Variants in MTX2 observed in about 807,000 individuals in gnomAD.
MTX2 encodes the protein metaxin 2, also known as metaxin-2.
A neutral mutation model predicts 42.3 loss-of-function variants in MTX2; 35 were observed. The observed-to-expected ratio is 0.83, with a 90% CI of 0.63 to 1.10. The LOEUF (loss-of-function observed/expected upper bound fraction) is 1.10. MTX2 is among the 50% of genes least tolerant of loss of function. MTX2 has a pLI of 0.00. For synonymous variants in MTX2, 119 were observed against 100.9 expected (o/e 1.18, Z -1.08); for missense variants, 307 against 304.1 (o/e 1.01, Z -0.07).
chr2:176,322,141 A>G (rs1684600929), intron 3 of MTX2, among the ~76,000 whole-genome samples: 1 of 152,152 alleles, frequency 6.6e-6, no homozygotes, highest in African/African-American at 2.4e-5. Flanking sequence ...TTTTGGAGGC[A>G]GGCATCTCTA....
At chr2:176,306,877 A>C (rs1212457949) in intron 3 of MTX2, among the ~76,000 whole-genome samples, 1 of 152,018 alleles carries the variant, frequency 6.6e-6, no homozygotes, top group Non-Finnish European at 1.5e-5. Context: ...CTCTGATGGT[A>C]GTTTCTTTTG....
intron 1 of MTX2, among the ~76,000 whole-genome samples, chr2:176,280,890 C>T (rs1289854650): frequency 6.6e-6 from 1 of 152,122 alleles, no homozygotes; most frequent in Admixed American, 6.5e-5. Flanking sequence ...GGATAGTGTC[C>T]TGGGCTGATC....
chr2:176,328,279 T>A lies in MTX2; in HGVS notation c.286-14T>A, dbSNP rs752722611. ...AATATGATGTTCTTTTAAATTTTTT[T>A]AAATTCCCTTTAGGGCCATTCTCTT... On this transcript the variant is annotated splice_polypyrimidine_tract_variant and intron_variant, in intron 5 of 9. Transcript: ENST00000249442. 7.1e-5 allele frequency: 107 copies of A among 1,510,752 alleles called. No individual in the cohort carries two copies. The highest frequency in any genetic ancestry group is 1.0e-4 in the African/African-American group (7 of 70,102). The allele number at this position is 1,510,752 out of a possible 1,614,324, so 93.6% of individuals were successfully genotyped here.
intron 1 of MTX2, among the ~76,000 whole-genome samples, chr2:176,288,861 C>CT (rs1693265747): frequency 6.6e-6 from 1 of 151,888 alleles, no homozygotes; most frequent in South Asian, 2.1e-4. Flanking sequence ...TGGCCCTTCT[C>CT]TTAATCCTCT....
At position 176,337,688 on chromosome 2, in the gene MTX2, C is replaced by CT. The variant is rs763725926; in HGVS notation, c.*26dup. On this transcript the variant is annotated 3_prime_UTR_variant, in exon 10 of 10. Coordinates refer to ENST00000249442, the MANE Select transcript of MTX2 (RefSeq NM_006554.5). ...AGAGTTATGTGTTAGTCTCAGGAGT[C>CT]TTAACTTTTGAAATATGTTTTACTT... is the stretch of plus-strand genomic sequence containing the variant. 2.0e-6 allele frequency: 3 copies of CT among 1,504,268 alleles called. No homozygotes were observed. The East Asian group carries it at 7.2e-5, about 36-fold the overall frequency. The allele number at this position is 1,504,268 out of a possible 1,614,324, so 93.2% of individuals were successfully genotyped here. A position where few individuals can be genotyped will look rare whatever the true frequency, so the allele number is the denominator to read the frequency against.
At chr2:176,327,542 A>C (rs1205518349) in intron 5 of MTX2, among the ~76,000 whole-genome samples, 1 of 148,686 alleles carries the variant, frequency 6.7e-6, no homozygotes, top group East Asian at 1.9e-4. Context: ...TGTATTGGAG[A>C]TATATATATA....
intron 1 of MTX2, among the ~76,000 whole-genome samples, chr2:176,282,074 A>G (rs757082922): frequency 7.8e-6 from 1 of 128,416 alleles, no homozygotes. Context: ...CATTGTTGAG[A>G]TGTTATCCTT....
At chr2:176,328,213 C>T (rs572495855) in intron 5 of MTX2, 80 bp from the exon 6 acceptor site, 27 of 806,804 alleles carry the variant, frequency 3.3e-5, no homozygotes, top group African/African-American at 7.2e-5. Context: ...TTGCATGTTA[C>T]GTTATTTGTT....
intron 8 of MTX2, 75 bp downstream of exon 8, chr2:176,329,501 T>C: frequency 1.5e-6 from 2 of 1,328,868 alleles, no homozygotes; most frequent in South Asian, 3.6e-5. Context: ...TTGATACTCC[T>C]TTAAAAAAAT....
intron 1 of MTX2, among the ~76,000 whole-genome samples, chr2:176,282,085 C>T (rs533232583): frequency 3.8e-5 from 5 of 130,492 alleles, no homozygotes; most frequent in Non-Finnish European, 7.9e-5. Context: ...TGTTATCCTT[C>T]CTTAAATTGG....
chr2:176,279,199 GA>G (rs1246830399), intron 1 of MTX2, among the ~76,000 whole-genome samples: 1 of 152,050 alleles, frequency 6.6e-6, no homozygotes, highest in South Asian at 2.1e-4. Context: ...TCTTTAGATG[GA>G]AAAAAATAGA....
intron 1 of MTX2, among the ~76,000 whole-genome samples, chr2:176,290,522 T>G (rs1014308768): frequency 6.6e-6 from 1 of 152,182 alleles, no homozygotes; most frequent in African/African-American, 2.4e-5. Context: ...TTGTCTGACC[T>G]TGGGAAAGAG....
Position 176,269,490 on chromosome 2 carries a change from C to T in MTX2, c.-140C>T, listed in dbSNP as rs1692740087. ...ACCTTGGGGGCCTCACTGCAGCCGC[C>T]GCTGCTGTTGGAGTGGGCTTTGCGA... On this transcript the variant is annotated 5_prime_UTR_variant, in exon 1 of 10. Transcript: ENST00000249442. 6.4e-6 allele frequency: 6 copies of T among 939,068 alleles called. No individual in the cohort carries two copies. The highest frequency in any genetic ancestry group is 3.4e-5 in the Admixed American group (1 of 29,326). 58.2% of individuals were successfully genotyped at this position (939,068 alleles called of 1,614,324 possible). A position where few individuals can be genotyped will look rare whatever the true frequency, so the allele number is the denominator to read the frequency against.
chr2:176,323,081 A>G (rs951317250), intron 3 of MTX2, among the ~76,000 whole-genome samples: 5 of 151,904 alleles, frequency 3.3e-5, no homozygotes, highest in African/African-American at 1.2e-4. Context: ...TTAAAGCTAT[A>G]TATATAGTAT....
intron 1 of MTX2, among the ~76,000 whole-genome samples, chr2:176,291,869 A>C (rs1300680495): frequency 6.6e-6 from 1 of 152,046 alleles, no homozygotes; most frequent in African/African-American, 2.4e-5. Context: ...CAGAAACTGG[A>C]TGAAGGCCAG....
intron 1 of MTX2, among the ~76,000 whole-genome samples, chr2:176,274,648 G>A (rs1418439493): frequency 6.6e-6 from 1 of 152,142 alleles, no homozygotes; most frequent in African/African-American, 2.4e-5. Context: ...CATGCAAGGC[G>A]GGCAGTCAGG....
At chr2:176,308,404 A>T (rs946453990) in intron 3 of MTX2, among the ~76,000 whole-genome samples, 1 of 152,240 alleles carries the variant, frequency 6.6e-6, no homozygotes, top group East Asian at 1.9e-4. Flanking sequence ...TATCAGGATG[A>T]TGTTGGCCTC....
chr2:176,306,325 G>T (rs1458489898), intron 3 of MTX2, among the ~76,000 whole-genome samples: 1 of 152,144 alleles, frequency 6.6e-6, no homozygotes, highest in Non-Finnish European at 1.5e-5. Context: ...TGGACATTTG[G>T]GTTGGTTCCA....
intron 1 of MTX2, among the ~76,000 whole-genome samples, chr2:176,289,556 ATTC>A (rs1372085009): frequency 1.3e-5 from 2 of 152,108 alleles, no homozygotes; most frequent in African/African-American, 2.4e-5. Flanking sequence ...ATTTCTAGGT[ATTC>A]TTTTTATCTG....
Sources: gnomAD v4.1 joint callset for allele counts (sites outside exome capture counted in the v4.1 genomes callset) on GRCh38, gnomAD v4.1.1 for gene constraint, MANE v1.5 for transcripts, NCBI Gene and HGNC (gene_info 2026-07-23, HGNC 2026-07-21) for gene names.